The following SPOCK1 variants were observed in gnomAD, a reference collection of about 807,000 sequenced individuals.
SPOCK1 encodes testican-1.
Under a neutral mutation model 55.3 loss-of-function variants are expected in SPOCK1, and 23 were observed. The observed-to-expected ratio is 0.42, with a 90% CI of 0.30 to 0.59. The LOEUF is 0.59. Among genes scored for constraint, SPOCK1 ranks in the 20% least tolerant of loss-of-function variants. The pLI, the probability that SPOCK1 is intolerant of heterozygous loss-of-function variation, is 0.22. For missense variants in SPOCK1, 499 were observed against 552.5 expected (o/e 0.90, Z 0.97); for synonymous variants, 226 against 221.0 (o/e 1.02, Z -0.20).
chr5:137,416,734 A>T (rs1216105306), intron 2 of SPOCK1, among the ~76,000 whole-genome samples: 1 of 152,132 alleles, frequency 6.6e-6, no homozygotes, highest in Non-Finnish European at 1.5e-5. Flanking sequence ...CTCAGCAACA[A>T]TCAGTGAGAG....
intron 3 of SPOCK1, among the ~76,000 whole-genome samples, chr5:137,194,220 T>C (rs1046477194): frequency 1.3e-5 from 2 of 152,318 alleles, no homozygotes; most frequent in African/African-American, 2.4e-5. Context: ...GAAAAAGAGA[T>C]GGCTACAATA....
At chr5:137,417,938 A>C (rs1752379750) in intron 2 of SPOCK1, among the ~76,000 whole-genome samples, 1 of 152,082 alleles carries the variant, frequency 6.6e-6, no homozygotes, top group Admixed American at 6.5e-5. Context: ...ATATCTCCTA[A>C]TGCTATTCCT....
At chr5:137,338,568 G>C (rs1750340795) in intron 2 of SPOCK1, among the ~76,000 whole-genome samples, 1 of 151,860 alleles carries the variant, frequency 6.6e-6, no homozygotes. Context: ...GGTATTTCTA[G>C]TTCTAGATCC....
chr5:137,461,423 G>A (rs1434796619), intron 2 of SPOCK1, among the ~76,000 whole-genome samples: 1 of 152,208 alleles, frequency 6.6e-6, no homozygotes, highest in East Asian at 1.9e-4. Flanking sequence ...TGAACACACA[G>A]TCAGTGAGAA....
chr5:136,996,155 G>C (rs947793540), intron 6 of SPOCK1, among the ~76,000 whole-genome samples: 2 of 152,230 alleles, frequency 1.3e-5, no homozygotes, highest in Non-Finnish European at 2.9e-5. Flanking sequence ...GGTGTGAACA[G>C]GGGACTGAAG....
At chr5:136,981,510 C>G (rs1416711882) in intron 9 of SPOCK1, among the ~76,000 whole-genome samples, 3 of 152,020 alleles carry the variant, frequency 2.0e-5, no homozygotes, top group Non-Finnish European at 4.4e-5. Context: ...TTTGGTACAC[C>G]ATGCTTTCAT....
chr5:137,463,490 A>C (rs1349818101), intron 2 of SPOCK1, among the ~76,000 whole-genome samples: 1 of 123,454 alleles, frequency 8.1e-6, no homozygotes, highest in African/African-American at 3.0e-5. Context: ...GGAGATAGAG[A>C]GTCGAAAGAT....
At chr5:137,046,575 C>G (rs1334864249) in intron 6 of SPOCK1, among the ~76,000 whole-genome samples, 1 of 117,996 alleles carries the variant, frequency 8.5e-6, no homozygotes, top group Non-Finnish European at 1.8e-5. Flanking sequence ...ACAATCATGT[C>G]GTCTGCAAAC....
chr5:137,354,429 C>G (rs1750747363), intron 2 of SPOCK1, among the ~76,000 whole-genome samples: 1 of 152,028 alleles, frequency 6.6e-6, no homozygotes, highest in Admixed American at 6.6e-5. Context: ...CTCCCTTGAC[C>G]CCCCCAGGCA....
intron 5 of SPOCK1, among the ~76,000 whole-genome samples, chr5:137,080,883 G>C (rs1266210041): frequency 6.6e-6 from 1 of 152,224 alleles, no homozygotes; most frequent in Non-Finnish European, 1.5e-5. Flanking sequence ...AGGAAGGTCA[G>C]AGCGAACAGA....
chr5:137,190,486 C>T (rs560425454), intron 3 of SPOCK1, among the ~76,000 whole-genome samples: 2 of 152,178 alleles, frequency 1.3e-5, no homozygotes, highest in East Asian at 3.9e-4. Flanking sequence ...AAGGTATGTA[C>T]ATTGATTTTT....
intron 2 of SPOCK1, among the ~76,000 whole-genome samples, chr5:137,309,407 T>C (rs1240919031): frequency 6.6e-6 from 1 of 152,176 alleles, no homozygotes; most frequent in East Asian, 1.9e-4. Context: ...CAGGCCTTTG[T>C]CCTCACCACC....
intron 2 of SPOCK1, among the ~76,000 whole-genome samples, chr5:137,352,164 G>A (rs1457361764): frequency 1.3e-4 from 20 of 152,212 alleles, no homozygotes; most frequent in Admixed American, 1.3e-3. Flanking sequence ...GAAAATTGTA[G>A]AGAAATATCT....
chr5:137,061,256 T>C (rs188560716), intron 6 of SPOCK1, among the ~76,000 whole-genome samples: 22 of 152,310 alleles, frequency 1.4e-4, no homozygotes, highest in Admixed American at 1.4e-3. Context: ...GAATTTTCCA[T>C]TGAGACATTA....
At position 137,074,602 on chromosome 5, in the gene SPOCK1, C is replaced by T. The variant is rs139332107; in HGVS notation, c.475-6773G>A. Among the ~76,000 whole-genome samples, 782 of 152,290 alleles carry T rather than the reference C, an allele frequency of 5.1e-3. 8 individuals are homozygous for T. The highest frequency in any genetic ancestry group is 0.018 in the African/African-American group (747 of 41,560). ...CATGATTTCAGCTCACTGCAACCTC[C>T]GCCTCCCAGGTTCAAGCAATTCTCC... On this transcript the variant is annotated intron_variant, in intron 5 of 10. Coordinates refer to ENST00000394945, the MANE Select transcript of SPOCK1 (RefSeq NM_004598.4).
At chr5:137,069,145 G>A (rs1752561980) in intron 5 of SPOCK1, among the ~76,000 whole-genome samples, 1 of 152,198 alleles carries the variant, frequency 6.6e-6, no homozygotes, top group South Asian at 2.1e-4. Flanking sequence ...CTGGCTCATT[G>A]TAAGAGGACA....
At chr5:137,395,877 T>C (rs1751836422) in intron 2 of SPOCK1, among the ~76,000 whole-genome samples, 1 of 152,178 alleles carries the variant, frequency 6.6e-6, no homozygotes, top group Non-Finnish European at 1.5e-5. Context: ...TGGGAATAGC[T>C]AACCAAGGTC....
intron 3 of SPOCK1, among the ~76,000 whole-genome samples, chr5:137,239,840 T>C (rs951101903): frequency 2.0e-5 from 3 of 152,112 alleles, no homozygotes; most frequent in African/African-American, 7.2e-5. Context: ...TAAAAAGGTA[T>C]AAAAATGGTA....
At chr5:137,080,422 T>C (rs17646790) in intron 5 of SPOCK1, among the ~76,000 whole-genome samples, 16,241 of 152,250 alleles carry the variant, frequency 0.11, 1,017 homozygotes, top group East Asian at 0.25. Flanking sequence ...TGTCAGTTCA[T>C]GGTACCTGCA....
Sources: allele counts gnomAD v4.1 joint callset (sites outside exome capture counted in the v4.1 genomes callset), GRCh38; gene constraint gnomAD v4.1.1; transcripts MANE v1.5; gene names NCBI Gene and HGNC (gene_info 2026-07-23, HGNC 2026-07-21).